Variants in KCNIP1 observed in about 807,000 individuals in gnomAD.
The protein encoded by KCNIP1 is potassium voltage-gated channel interacting protein 1, also known as A-type potassium channel modulatory protein KCNIP1.
Under a neutral mutation model 33.0 loss-of-function variants are expected in KCNIP1, and 18 were observed. That is an observed-to-expected ratio of 0.55 (90% CI 0.38 to 0.81). The LOEUF (loss-of-function observed/expected upper bound fraction) is 0.81. Ranked by LOEUF, KCNIP1 falls within the 30% of genes least tolerant of loss-of-function variation. KCNIP1 has a pLI of 0.00. For synonymous variants in KCNIP1, 93 were observed against 98.3 expected (o/e 0.95, Z 0.32); for missense variants, 238 against 271.6 (o/e 0.88, Z 0.87).
At chr5:170,706,156 G>T (rs1187817041) in intron 1 of KCNIP1, among the ~76,000 whole-genome samples, 3 of 152,168 alleles carry the variant, frequency 2.0e-5, no homozygotes, top group Non-Finnish European at 4.4e-5. Context: ...GTTCCTATTT[G>T]TGATTATTCT....
chr5:170,601,233 C>T (rs952050208), intron 1 of KCNIP1, among the ~76,000 whole-genome samples: 1 of 152,208 alleles, frequency 6.6e-6, no homozygotes, highest in Non-Finnish European at 1.5e-5. Flanking sequence ...GGACACATGC[C>T]GGGGACGGCT....
intron 1 of KCNIP1, among the ~76,000 whole-genome samples, chr5:170,387,038 G>A (rs919690494): frequency 2.0e-5 from 3 of 152,060 alleles, no homozygotes; most frequent in East Asian, 1.9e-4. Context: ...CATGGTCCCC[G>A]CGTGATTTCC....
chr5:170,683,163 G>T (rs1762417327), intron 1 of KCNIP1, among the ~76,000 whole-genome samples: 1 of 152,164 alleles, frequency 6.6e-6, no homozygotes, highest in African/African-American at 2.4e-5. Flanking sequence ...TCTAGGTGAA[G>T]AAAAAGAAGG....
chr5:170,395,585 G>A (rs551749402), intron 1 of KCNIP1, among the ~76,000 whole-genome samples: 7 of 152,334 alleles, frequency 4.6e-5, no homozygotes, highest in Admixed American at 4.6e-4. Context: ...TTTCATGAAT[G>A]GACAGGTATA....
rs1754661311 is a variant in KCNIP1 at position 170,393,229 on chromosome 5, C to T, written c.88+39265C>T. Among the ~76,000 whole-genome samples, 3 of 152,332 alleles carry T rather than the reference C, an allele frequency of 2.0e-5. No homozygotes were observed. The South Asian group carries it at 6.2e-4, about 32-fold the overall frequency. ...CATGATGTCTGCTTCCACTGCTTTC[C>T]AGACACCCTCAGCTCAGTCTGTACC... is the stretch of plus-strand genomic sequence containing the variant. On this transcript the variant is annotated intron_variant, in intron 1 of 7. Transcript: ENST00000377360.
intron 1 of KCNIP1, among the ~76,000 whole-genome samples, chr5:170,632,562 C>T (rs1267101562): frequency 6.6e-6 from 1 of 152,244 alleles, no homozygotes; most frequent in Non-Finnish European, 1.5e-5. Context: ...GCACCACAAC[C>T]TCTCTGGGCC....
At chr5:170,598,012 A>G (rs192840330) in intron 1 of KCNIP1, among the ~76,000 whole-genome samples, 1 of 152,240 alleles carries the variant, frequency 6.6e-6, no homozygotes, top group East Asian at 1.9e-4. Flanking sequence ...GCCCTGTGCT[A>G]CTGAACTCTG....
chr5:170,652,310 C>T (rs1163402996), intron 1 of KCNIP1, among the ~76,000 whole-genome samples: 1 of 151,816 alleles, frequency 6.6e-6, no homozygotes, highest in Non-Finnish European at 1.5e-5. Flanking sequence ...ATGGAAAAAC[C>T]CCGTCTCTAC....
chr5:170,388,063 T>A (rs557934391), intron 1 of KCNIP1, among the ~76,000 whole-genome samples: 2 of 152,330 alleles, frequency 1.3e-5, no homozygotes, highest in South Asian at 4.1e-4. Flanking sequence ...CTATTTGGCT[T>A]CTAGTGCCCT....
intron 1 of KCNIP1, among the ~76,000 whole-genome samples, chr5:170,400,030 G>A (rs1754859560): frequency 6.6e-6 from 1 of 152,194 alleles, no homozygotes; most frequent in African/African-American, 2.4e-5. Context: ...TGTGAGCTCA[G>A]ACAGGTGCAG....
intron 1 of KCNIP1, among the ~76,000 whole-genome samples, chr5:170,510,202 A>G (rs1754880416): frequency 6.6e-6 from 1 of 152,128 alleles, no homozygotes; most frequent in South Asian, 2.1e-4. Context: ...CTCTTTCCCC[A>G]TAGCTGCTGC....
At chr5:170,694,089 G>A (rs905205831) in intron 1 of KCNIP1, among the ~76,000 whole-genome samples, 1 of 152,180 alleles carries the variant, frequency 6.6e-6, no homozygotes, top group South Asian at 2.1e-4. Context: ...TCCAGCCAAA[G>A]ACCCCAATTT....
At chr5:170,549,150 C>T (rs180679065) in intron 1 of KCNIP1, among the ~76,000 whole-genome samples, 1 of 152,314 alleles carries the variant, frequency 6.6e-6, no homozygotes, top group Non-Finnish European at 1.5e-5. Context: ...AAAAAAATCT[C>T]ACCTGGGCTG....
chr5:170,655,076 G>A (rs1761205309), intron 1 of KCNIP1, among the ~76,000 whole-genome samples: 1 of 152,110 alleles, frequency 6.6e-6, no homozygotes, highest in African/African-American at 2.4e-5. Flanking sequence ...TGGCTCTGGA[G>A]CCAGCACAAA....
At chr5:170,459,619 A>G (rs910163564) in intron 1 of KCNIP1, among the ~76,000 whole-genome samples, 4 of 152,196 alleles carry the variant, frequency 2.6e-5, no homozygotes, top group Non-Finnish European at 4.4e-5. Context: ...TCAAAATGCA[A>G]ATTTAAAAAT....
At chr5:170,510,766 G>A (rs547527499) in intron 1 of KCNIP1, among the ~76,000 whole-genome samples, 1 of 152,178 alleles carries the variant, frequency 6.6e-6, no homozygotes, top group Admixed American at 6.5e-5. Context: ...GTGGGGGGAA[G>A]TAGGAACCAC....
intron 1 of KCNIP1, among the ~76,000 whole-genome samples, chr5:170,537,028 C>T (rs894492471): frequency 2.0e-5 from 3 of 152,186 alleles, no homozygotes; most frequent in African/African-American, 7.2e-5. Flanking sequence ...AACGAGGGTT[C>T]GTTCCTCTGC....
intron 1 of KCNIP1, among the ~76,000 whole-genome samples, chr5:170,701,780 T>A (rs1473251196): frequency 6.6e-6 from 1 of 152,146 alleles, no homozygotes; most frequent in African/African-American, 2.4e-5. Flanking sequence ...TGAGAGATGA[T>A]GTTACTGTCC....
chr5:170,500,718 A>T (rs1380932614), upstream of KCNIP1, among the ~76,000 whole-genome samples: 2 of 152,144 alleles, frequency 1.3e-5, no homozygotes, highest in East Asian at 3.9e-4. Flanking sequence ...TGTTGGCTGC[A>T]TTGTACAGTG....
Sources: allele counts gnomAD v4.1 joint callset (sites outside exome capture counted in the v4.1 genomes callset), GRCh38; gene constraint gnomAD v4.1.1; transcripts MANE v1.5; gene names NCBI Gene and HGNC (gene_info 2026-07-23, HGNC 2026-07-21).